The following PCDH9 variants were observed in gnomAD, a reference collection of about 807,000 sequenced individuals.
PCDH9 encodes the protein protocadherin-9.
PCDH9 carries 24 observed loss-of-function variants against 70.6 expected under a neutral mutation model. That is an observed-to-expected ratio of 0.34 (90% CI 0.25 to 0.48). The LOEUF (loss-of-function observed/expected upper bound fraction) is 0.48. Among genes scored for constraint, PCDH9 ranks in the 20% least tolerant of loss-of-function variants. PCDH9 has a pLI of 0.99. For synonymous variants in PCDH9, 562 were observed against 558.5 expected (o/e 1.01, Z -0.09); for missense variants, 1,281 against 1,503.6 (o/e 0.85, Z 2.45).
At chr13:66,726,384 A>G (rs1406565428) in intron 3 of PCDH9, among the ~76,000 whole-genome samples, 1 of 152,158 alleles carries the variant, frequency 6.6e-6, no homozygotes, top group African/African-American at 2.4e-5. Flanking sequence ...ACATAAGGAA[A>G]AATGCAATTA....
intron 4 of PCDH9, among the ~76,000 whole-genome samples, chr13:66,366,379 G>A (rs1165546798): frequency 1.3e-5 from 2 of 151,730 alleles, no homozygotes; most frequent in Non-Finnish European, 2.9e-5. Flanking sequence ...AAAATTTATT[G>A]AGTAATATTT....
intron 3 of PCDH9, among the ~76,000 whole-genome samples, chr13:66,843,670 G>C (rs939078636): frequency 6.6e-6 from 1 of 152,142 alleles, no homozygotes; most frequent in African/African-American, 2.4e-5. Flanking sequence ...TAGGGAGATG[G>C]GGTGAATATC....
chr13:67,225,717 A>T lies in PCDH9; in HGVS notation c.2724T>A (p.Ala908=). ...EPINGTISLP[A]ELEEQSIGRF... is the part of the protein sequence containing the mutation. The stretch of plus-strand genomic sequence containing the variant: ...TTCCTATACTTTGCTCCTCCAGTTC[A>T]GCCGGCAGGCTTATTGTCCCATTGA... The change falls in exon 2 of 5, where the codon GCT becomes GCA. Residue 908 remains alanine, a synonymous_variant. Transcript: ENST00000377865. The T allele has an allele frequency of 6.2e-7, 1 of 1,614,190 alleles. No individual in the cohort carries two copies. The highest frequency in any genetic ancestry group is 8.5e-7 in the Non-Finnish European group (1 of 1,180,002).
At chr13:66,643,324 G>T (rs1338869009) in intron 3 of PCDH9, among the ~76,000 whole-genome samples, 2 of 152,036 alleles carry the variant, frequency 1.3e-5, no homozygotes, top group Non-Finnish European at 2.9e-5. Flanking sequence ...GAATAAACAT[G>T]AATAAGATTT....
At chr13:67,161,596 T>C (rs2087961696) in intron 2 of PCDH9, among the ~76,000 whole-genome samples, 2 of 152,190 alleles carry the variant, frequency 1.3e-5, no homozygotes, top group African/African-American at 4.8e-5. Flanking sequence ...TTTCTGCAGG[T>C]CATACATAGA....
intron 4 of PCDH9, among the ~76,000 whole-genome samples, chr13:66,513,415 C>A (rs1337814166): frequency 6.6e-6 from 1 of 151,838 alleles, no homozygotes; most frequent in Non-Finnish European, 1.5e-5. Flanking sequence ...TTCAAACTAC[C>A]TGTCCCTAAG....
At chr13:67,148,893 A>G (rs1366597688) in intron 2 of PCDH9, among the ~76,000 whole-genome samples, 1 of 152,194 alleles carries the variant, frequency 6.6e-6, no homozygotes, top group African/African-American at 2.4e-5. Flanking sequence ...TAAGTTTTTG[A>G]TTCCTATGAT....
intron 2 of PCDH9, among the ~76,000 whole-genome samples, chr13:67,118,191 C>A (rs1055748002): frequency 5.4e-5 from 8 of 148,244 alleles, no homozygotes; most frequent in Non-Finnish European, 1.1e-4. Flanking sequence ...CAAGGATACA[C>A]CCATCCAAAC....
intron 4 of PCDH9, among the ~76,000 whole-genome samples, chr13:66,443,536 T>C (rs1958013417): frequency 6.6e-6 from 1 of 152,174 alleles, no homozygotes; most frequent in Non-Finnish European, 1.5e-5. Context: ...AGTGACAACA[T>C]TCTAATAAAA....
rs547426552 is a variant in PCDH9, at chr13:66,397,360, G to A, written c.3341-92332C>T. Among the ~76,000 whole-genome samples, 22 of 151,938 alleles carry A rather than the reference G, an allele frequency of 1.4e-4. No homozygotes were observed. The South Asian group carries it at 3.1e-3, about 21-fold the overall frequency. On this transcript the variant is annotated intron_variant, in intron 4 of 4. Coordinates refer to ENST00000377865, the MANE Select transcript of PCDH9 (RefSeq NM_203487.3). ...CTTAAGTTCAGGAGGTCAAGGCTTC[G>A]GTGAGCTGTGTTCATACCACTGCAC...
chr13:67,141,893 T>C (rs182102706), intron 2 of PCDH9, among the ~76,000 whole-genome samples: 253 of 152,272 alleles, frequency 1.7e-3, no homozygotes, highest in Non-Finnish European at 3.0e-3. Flanking sequence ...GCATCCATTC[T>C]GCATCAATAA....
intron 4 of PCDH9, among the ~76,000 whole-genome samples, chr13:66,605,860 T>A (rs2077216737): frequency 6.6e-6 from 1 of 152,102 alleles, no homozygotes; most frequent in Non-Finnish European, 1.5e-5. Context: ...GGGACATTTG[T>A]TTTTTCCTGG....
intron 2 of PCDH9, among the ~76,000 whole-genome samples, chr13:66,912,384 A>G (rs1258934698): frequency 6.6e-6 from 1 of 152,148 alleles, no homozygotes; most frequent in African/African-American, 2.4e-5. Context: ...AGTTTATAGC[A>G]TGTTCCATTA....
chr13:66,513,477 G>A (rs1260513129), intron 4 of PCDH9, among the ~76,000 whole-genome samples: 1 of 151,832 alleles, frequency 6.6e-6, no homozygotes, highest in East Asian at 1.9e-4. Flanking sequence ...TTATGCCCTT[G>A]TTCTCTACTG....
chr13:66,955,954 T>C (rs1002263314), intron 2 of PCDH9, among the ~76,000 whole-genome samples: 2 of 152,012 alleles, frequency 1.3e-5, no homozygotes, highest in African/African-American at 4.8e-5. Flanking sequence ...AATAAAAATA[T>C]AGCAAGATGT....
intron 2 of PCDH9, among the ~76,000 whole-genome samples, chr13:66,911,235 G>A (rs573279188): frequency 7.9e-5 from 12 of 152,288 alleles, no homozygotes; most frequent in Admixed American, 3.3e-4. Context: ...ATGTGCCAAA[G>A]ACTGTTCAAG....
At chr13:66,651,173 AT>A (rs1304105195) in intron 3 of PCDH9, among the ~76,000 whole-genome samples, 3 of 151,976 alleles carry the variant, frequency 2.0e-5, no homozygotes, top group Non-Finnish European at 4.4e-5. Flanking sequence ...AAGAAAAAAA[AT>A]AATACAGATC....
intron 4 of PCDH9, among the ~76,000 whole-genome samples, chr13:66,429,538 T>G (rs1957734149): frequency 6.6e-6 from 1 of 151,494 alleles, no homozygotes; most frequent in Admixed American, 6.6e-5. Context: ...GAAATGAGGT[T>G]TGGAGGATAC....
At chr13:66,448,189 C>A (rs1460829333) in intron 4 of PCDH9, among the ~76,000 whole-genome samples, 1 of 152,118 alleles carries the variant, frequency 6.6e-6, no homozygotes, top group Non-Finnish European at 1.5e-5. Context: ...AAATGGTGTG[C>A]TTGAAATGAG....
Sources: gnomAD v4.1 joint callset for allele counts (sites outside exome capture counted in the v4.1 genomes callset) on GRCh38, gnomAD v4.1.1 for gene constraint, MANE v1.5 for transcripts, NCBI Gene and HGNC (gene_info 2026-07-23, HGNC 2026-07-21) for gene names.